Variants in DENND5B observed in about 807,000 individuals in gnomAD.
DENND5B encodes the protein DENN domain-containing protein 5B.
A neutral mutation model predicts 140.6 loss-of-function variants in DENND5B; 34 were observed. That is an observed-to-expected ratio of 0.24 (90% confidence interval 0.18 to 0.32). DENND5B has a LOEUF of 0.32. DENND5B is among the 10% of genes least tolerant of loss of function. DENND5B has a pLI of 1.00. For synonymous variants in DENND5B, 551 were observed against 562.1 expected, an observed-to-expected ratio of 0.98 and a Z score of 0.28; for missense variants, 1,142 against 1,560.2, an observed-to-expected ratio of 0.73 and a Z score of 4.52.
chr12:31,433,827 T>C, intron 7 of DENND5B, among the ~76,000 whole-genome samples: 1 of 110,582 alleles, frequency 9.0e-6, no homozygotes, highest in South Asian at 3.8e-4. Context: ...GAGACCAGCC[T>C]AGGCAACATA....
intron 4 of DENND5B, among the ~76,000 whole-genome samples, chr12:31,453,282 T>C (rs1237081691): frequency 1.3e-5 from 2 of 150,044 alleles, no homozygotes; most frequent in Admixed American, 1.3e-4. Flanking sequence ...TATTTTTGAG[T>C]TGAGTAGAAG....
intron 7 of DENND5B, among the ~76,000 whole-genome samples, chr12:31,438,468 A>G (rs916945095): frequency 6.6e-6 from 1 of 152,184 alleles, no homozygotes; most frequent in African/African-American, 2.4e-5. Flanking sequence ...TATATAAGGG[A>G]AAAATGTGCA....
In DENND5B at chr12:31,433,199, G is replaced by T. The variant is rs1325635697; in HGVS notation, c.2062C>A (p.Arg688Ser). The T allele has an allele frequency of 5.0e-6, 8 of 1,613,820 alleles. No homozygotes were observed. The Admixed American group carries it at 1.3e-4, about 27-fold the overall frequency. Reference protein sequence around the residue: ...ATAQRRKERLRQHSEHVGLDN... With the variant: ...ATAQRRKERLSQHSEHVGLDN... Reference sequence around the variant, plus strand: ...AGCCCAACATGCTCAGAATGCTGGCGAAGGCGTTCTTTCCTGCGCTGTGCA... The same window carrying T: ...AGCCCAACATGCTCAGAATGCTGGCTAAGGCGTTCTTTCCTGCGCTGTGCA... The change falls in exon 8 of 21, where the codon CGC (arginine) becomes AGC (serine). Residue 688 changes from arginine (R) to serine (S), a missense_variant. This residue lies in a region of DENND5B where 708 missense variants were observed against 905.5 expected (regional missense o/e 0.78). Transcript: ENST00000389082.
In DENND5B at chr12:31,385,406, AT is replaced by A. The variant is rs1940807404; in HGVS notation, c.*2196del. The A allele has an allele frequency of 6.6e-6, 1 of 152,172 alleles. No homozygotes were observed. The highest frequency in any genetic ancestry group is 1.5e-5 in the Non-Finnish European group (1 of 68,046). The allele number at this position is 152,172 out of a possible 1,614,324, so 9.4% of individuals were successfully genotyped here. A position where few individuals can be genotyped will look rare whatever the true frequency, so the allele number is the denominator to read the frequency against. ...TAAGAAGGCTGGATGAGGTGTGTCA[AT>A]CCTAGCACATTAACCTAAGTCATCC... is the stretch of plus-strand genomic sequence containing the variant. On this transcript the variant is annotated 3_prime_UTR_variant, in exon 21 of 21. Transcript: ENST00000389082.
intron 1 of DENND5B, among the ~76,000 whole-genome samples, chr12:31,562,601 C>T (rs997399341): frequency 1.3e-5 from 2 of 149,702 alleles, no homozygotes; most frequent in East Asian, 1.9e-4. Context: ...GCAACAAAGG[C>T]GAAACTCTGT....
chr12:31,579,432 G>C (rs1048193941), intron 1 of DENND5B, among the ~76,000 whole-genome samples: 3 of 152,006 alleles, frequency 2.0e-5, no homozygotes, highest in African/African-American at 7.2e-5. Context: ...GTAGCCGAGG[G>C]GGGTGATCAC....
At chr12:31,576,289 T>TA (rs1196246841) in intron 1 of DENND5B, among the ~76,000 whole-genome samples, 1 of 151,544 alleles carries the variant, frequency 6.6e-6, no homozygotes, top group East Asian at 2.0e-4. Context: ...CTGTCTCTAC[T>TA]AAAAAATACA....
intron 1 of DENND5B, among the ~76,000 whole-genome samples, chr12:31,553,467 A>C (rs1949152083): frequency 6.6e-6 from 1 of 152,128 alleles, no homozygotes; most frequent in Non-Finnish European, 1.5e-5. Flanking sequence ...TTTGTTGAGG[A>C]GTGCTTTACT....
intron 2 of DENND5B, among the ~76,000 whole-genome samples, chr12:31,490,362 A>G (rs1301633383): frequency 6.6e-6 from 1 of 152,102 alleles, no homozygotes; most frequent in East Asian, 1.9e-4. Context: ...CTGTAATCCT[A>G]GCACTCTGAG....
chr12:31,495,389 C>CTTTTTTTTTTTTTTTTTTT (rs149645342), intron 2 of DENND5B, among the ~76,000 whole-genome samples: 2 of 136,206 alleles, frequency 1.5e-5, no homozygotes, highest in Non-Finnish European at 1.5e-5. Context: ...CTTTTTTTTT[C>CTTTTTTTTTTTTTTTTTTT]TTTTTTTGAG....
chr12:31,447,467 T>C (rs1006784580), intron 6 of DENND5B, 71 bp downstream of exon 6: 3 of 1,355,608 alleles, frequency 2.2e-6, no homozygotes, highest in Non-Finnish European at 3.0e-6. Flanking sequence ...TTGTTGTACG[T>C]AAGGCCAGCA....
At chr12:31,544,177 G>T (rs1468096299) in intron 1 of DENND5B, among the ~76,000 whole-genome samples, 2 of 151,970 alleles carry the variant, frequency 1.3e-5, no homozygotes, top group African/African-American at 2.4e-5. Flanking sequence ...ATTAATGAAT[G>T]AATTAATTAA....
At chr12:31,405,736 C>T (rs545679493) in intron 14 of DENND5B, among the ~76,000 whole-genome samples, 4 of 151,814 alleles carry the variant, frequency 2.6e-5, no homozygotes, top group Non-Finnish European at 4.4e-5. Flanking sequence ...TTAGCAGAGA[C>T]GGGGTTTTAT....
At position 31,433,853 on chromosome 12, in the gene DENND5B, C is replaced by CA. The variant is rs546124644; in HGVS notation, c.2013-606dup. ...AGGCAACATAGTGAGACTGTCTCTA[C>CA]AAAAAATTTAAAAAATTAGCCTCCT... On this transcript the variant is annotated intron_variant, in intron 7 of 20. Transcript: ENST00000389082. 1.6e-4 allele frequency among the ~76,000 whole-genome samples: 25 copies of CA among 151,784 alleles called. No homozygotes were observed. The South Asian group carries it at 3.9e-3, about 24-fold the overall frequency.
intron 12 of DENND5B, among the ~76,000 whole-genome samples, chr12:31,413,937 A>G (rs1257361419): frequency 6.6e-6 from 1 of 152,244 alleles, no homozygotes; most frequent in South Asian, 2.1e-4. Flanking sequence ...TCTTTTCAAA[A>G]TAACTGTTCT....
rs947382571 is a variant in DENND5B, at chr12:31,414,216, C to T, written c.2553-652G>A. ...AGTGCATGACCCACTGCACTTGGAT[C>T]TTATGACACTGCTTTAAACCCATAC... On this transcript the variant is annotated intron_variant, in intron 12 of 20. Transcript: ENST00000389082. Among the ~76,000 whole-genome samples, 3 of 152,266 alleles carry T rather than the reference C, an allele frequency of 2.0e-5. No individual in the cohort carries two copies. The East Asian group carries it at 5.8e-4, about 29-fold the overall frequency.
chr12:31,415,320 C>T (rs1282172650), intron 12 of DENND5B, 47 bp downstream of exon 12: 2 of 1,468,682 alleles, frequency 1.4e-6, no homozygotes, highest in Non-Finnish European at 1.8e-6. Context: ...CCACAAAATA[C>T]TTCAAAGTTA....
intron 15 of DENND5B, among the ~76,000 whole-genome samples, chr12:31,402,192 CATTT>C (rs1292471524): frequency 1.3e-5 from 2 of 151,748 alleles, no homozygotes; most frequent in African/African-American, 4.8e-5. Flanking sequence ...GCGGGGAAAA[CATTT>C]ATTTGAATAT....
rs532728559 is a variant in DENND5B at position 31,588,767 on chromosome 12, T to C, written c.127+1939A>G. Among the ~76,000 whole-genome samples the C allele has an allele frequency of 4.6e-5, 7 of 152,338 alleles. No individual in the cohort carries two copies. The South Asian group carries it at 8.3e-4, about 18-fold the overall frequency. ...TCTTTACACTAGAACGTATGCTCCA[T>C]GATGGCAGGGATTTCTGACTGCTTT... On this transcript the variant is annotated intron_variant, in intron 1 of 20. Coordinates refer to ENST00000389082, the MANE Select transcript of DENND5B (RefSeq NM_144973.4).
Sources: allele counts gnomAD v4.1 joint callset (sites outside exome capture counted in the v4.1 genomes callset), GRCh38; gene constraint gnomAD v4.1.1; regional missense constraint gnomAD v4.1.1; transcripts MANE v1.5; gene names NCBI Gene and HGNC (gene_info 2026-07-23, HGNC 2026-07-21).